Variants in HCRTR2 observed in about 807,000 individuals in gnomAD.
HCRTR2 encodes the protein orexin receptor type 2.
HCRTR2 carries 22 observed loss-of-function variants against 49.0 expected under a neutral mutation model. The observed-to-expected ratio is 0.45, with a 90% CI of 0.32 to 0.64. The LOEUF (loss-of-function observed/expected upper bound fraction) is 0.64, where lower values mean the gene tolerates loss of function less well. Among genes scored for constraint, HCRTR2 ranks in the 30% least tolerant of loss-of-function variants. HCRTR2 has a pLI of 0.04. For missense variants in HCRTR2, 491 were observed against 559.4 expected (o/e 0.88, Z 1.23); for synonymous variants, 236 against 205.3 (o/e 1.15, Z -1.28).
intron 1 of HCRTR2, among the ~76,000 whole-genome samples, chr6:55,160,582 A>G (rs1764791797): frequency 6.6e-6 from 1 of 152,160 alleles, no homozygotes; most frequent in Non-Finnish European, 1.5e-5. Flanking sequence ...TGCTGTATTC[A>G]GGAGTCCAAT....
chr6:55,203,647 A>G (rs1451587998), intron 1 of HCRTR2, among the ~76,000 whole-genome samples: 2 of 152,174 alleles, frequency 1.3e-5, no homozygotes, highest in African/African-American at 2.4e-5. Flanking sequence ...CTCACTGATA[A>G]GGTGACATTT....
At chr6:55,137,076 G>A (rs1253688530) in intron 1 of HCRTR2, among the ~76,000 whole-genome samples, 2 of 152,202 alleles carry the variant, frequency 1.3e-5, no homozygotes, top group African/African-American at 4.8e-5. Flanking sequence ...ATGTGGGTAA[G>A]CATTAGGAGC....
intron 1 of HCRTR2, among the ~76,000 whole-genome samples, chr6:55,247,806 T>A (rs187411546): frequency 4.8e-4 from 73 of 152,194 alleles, no homozygotes; most frequent in Admixed American, 2.0e-3. Flanking sequence ...TTGAAAAATA[T>A]GTTTGATTGC....
intron 1 of HCRTR2, among the ~76,000 whole-genome samples, chr6:55,204,301 C>G (rs1765561743): frequency 6.6e-6 from 1 of 152,102 alleles, no homozygotes; most frequent in Non-Finnish European, 1.5e-5. Context: ...CAGAGGGCAC[C>G]CTCTGGATTA....
At chr6:55,281,130 C>A (rs546619957) in intron 6 of HCRTR2, among the ~76,000 whole-genome samples, 1 of 152,002 alleles carries the variant, frequency 6.6e-6, no homozygotes, top group African/African-American at 2.4e-5. Context: ...AACTCATTGG[C>A]GATTTCTTTG....
chr6:55,192,985 T>C (rs1392318137), intron 1 of HCRTR2, among the ~76,000 whole-genome samples: 1 of 152,194 alleles, frequency 6.6e-6, no homozygotes, highest in African/African-American at 2.4e-5. Flanking sequence ...AGAGAGAATA[T>C]GTCAACATCT....
rs115402519 is a variant in HCRTR2, at chr6:55,238,459, T to A, written c.224-10180T>A. Among the ~76,000 whole-genome samples, 519 of 152,324 alleles carry A rather than the reference T, an allele frequency of 3.4e-3. 1 individual carries two copies. Among genetic ancestry groups the A allele is most frequent in the African/African-American group, 0.012 (503 of 41,580 alleles). Reference sequence around the variant, plus strand: ...TCTTTGAAAAATAGTAGTAAGATATTGCCATTCTGTTGCTTAAAATCTGTC... The same window carrying A: ...TCTTTGAAAAATAGTAGTAAGATATAGCCATTCTGTTGCTTAAAATCTGTC... On this transcript the variant is annotated intron_variant, in intron 1 of 6. Transcript: ENST00000370862.
chr6:55,171,747 C>T (rs1021098286), upstream of HCRTR2, among the ~76,000 whole-genome samples: 13 of 152,016 alleles, frequency 8.6e-5, no homozygotes, highest in South Asian at 4.1e-4. Context: ...TTTCATTTCT[C>T]GTTATTTATA....
chr6:55,184,475 A>G (rs1451912579), intron 1 of HCRTR2, among the ~76,000 whole-genome samples: 4 of 152,214 alleles, frequency 2.6e-5, no homozygotes, highest in Non-Finnish European at 5.9e-5. Flanking sequence ...GAGATCTAAT[A>G]AACAATTTTC....
At chr6:55,186,681 G>A (rs1276524689) in intron 1 of HCRTR2, among the ~76,000 whole-genome samples, 1 of 152,138 alleles carries the variant, frequency 6.6e-6, no homozygotes, top group East Asian at 1.9e-4. Context: ...AATAATTCTT[G>A]GTTGTTTTTA....
chr6:55,119,917 G>A (rs542134325), intron 1 of HCRTR2, among the ~76,000 whole-genome samples: 11 of 152,188 alleles, frequency 7.2e-5, no homozygotes, highest in African/African-American at 2.4e-4. Flanking sequence ...TTACGTTTAA[G>A]TCTTTAATCC....
chr6:55,167,898 G>A (rs1350563142), intron 1 of HCRTR2, among the ~76,000 whole-genome samples: 2 of 152,088 alleles, frequency 1.3e-5, no homozygotes, highest in Non-Finnish European at 2.9e-5. Context: ...TAATAAAATA[G>A]CACACCCTAC....
Position 55,230,923 on chromosome 6 carries a change from T to C in HCRTR2, c.224-17716T>C, listed in dbSNP as rs1229447597. On this transcript the variant is annotated intron_variant, in intron 1 of 6. Transcript: ENST00000370862. ...CTTCACCTCTGTATAGAATCCTTTG[T>C]TGGGGGCTGCGAGGAGGCAGTAAGA... Among the ~76,000 whole-genome samples the C allele has an allele frequency of 2.0e-5, 3 of 152,018 alleles. No homozygotes were observed. The South Asian group carries it at 6.2e-4, about 31-fold the overall frequency.
At chr6:55,147,598 G>C (rs753083412) in intron 1 of HCRTR2, among the ~76,000 whole-genome samples, 6 of 152,150 alleles carry the variant, frequency 3.9e-5, no homozygotes, top group Non-Finnish European at 8.8e-5. Context: ...TTTAACTCAA[G>C]GGTCTCTCAG....
downstream of HCRTR2, among the ~76,000 whole-genome samples, chr6:55,284,055 A>G (rs2127336816): frequency 6.6e-6 from 1 of 152,300 alleles, no homozygotes; most frequent in South Asian, 2.1e-4. Flanking sequence ...TGCTGCATGA[A>G]AGGAGAGTTG....
intron 5 of HCRTR2, 75 bp from the exon 6 acceptor site, chr6:55,280,248 C>T: frequency 2.0e-6 from 2 of 989,146 alleles, no homozygotes; most frequent in Non-Finnish European, 3.2e-6. Context: ...GTCAGACCAT[C>T]CTCTACCAAT....
chr6:55,156,903 T>A (rs901856318), intron 1 of HCRTR2, among the ~76,000 whole-genome samples: 4 of 152,072 alleles, frequency 2.6e-5, no homozygotes, highest in Non-Finnish European at 5.9e-5. Flanking sequence ...ACAAAGAACA[T>A]CTACAACGAA....
intron 2 of HCRTR2, 114 bp downstream of exon 2, chr6:55,248,931 C>T: frequency 1.1e-6 from 1 of 875,628 alleles, no homozygotes; most frequent in Non-Finnish European, 1.9e-6. Flanking sequence ...AAGGCATTGA[C>T]AAACTGAAGG....
intron 1 of HCRTR2, among the ~76,000 whole-genome samples, chr6:55,158,149 A>C (rs1490755484): frequency 2.0e-5 from 3 of 152,114 alleles, no homozygotes; most frequent in Admixed American, 2.0e-4. Flanking sequence ...AGTGCAGCCC[A>C]CAGAGGGTGA....
Sources: allele counts gnomAD v4.1 joint callset (sites outside exome capture counted in the v4.1 genomes callset), GRCh38; gene constraint gnomAD v4.1.1; transcripts MANE v1.5; gene names NCBI Gene and HGNC (gene_info 2026-07-23, HGNC 2026-07-21).